The following FGF14 variants were observed in gnomAD, a reference collection of about 807,000 sequenced individuals.
The protein encoded by FGF14 is fibroblast growth factor 14.
In FGF14, 5 loss-of-function variants were observed where a neutral mutation model predicts 25.5. That is an observed-to-expected ratio of 0.20 (90% CI 0.10 to 0.41). The LOEUF (loss-of-function observed/expected upper bound fraction) is 0.41, where lower values mean the gene tolerates loss of function less well. Ranked by LOEUF, FGF14 falls within the 10% of genes least tolerant of loss-of-function variation. The probability of loss-of-function intolerance (pLI) is 1.00; values close to 1 mark genes in which losing one functional copy is unlikely to be tolerated. For synonymous variants in FGF14, 138 were observed against 118.3 expected (o/e 1.17, Z -1.08); for missense variants, 222 against 320.1 (o/e 0.69, Z 2.34).
At chr13:102,336,479 GA>G (rs1007744814) in intron 1 of FGF14, among the ~76,000 whole-genome samples, 9 of 151,762 alleles carry the variant, frequency 5.9e-5, no homozygotes, top group South Asian at 2.1e-4. Flanking sequence ...AAGGTTTAGG[GA>G]AAAAAAAGCC....
intron 1 of FGF14, among the ~76,000 whole-genome samples, chr13:102,112,639 T>C (rs2045288582): frequency 6.6e-6 from 1 of 152,190 alleles, no homozygotes; most frequent in Admixed American, 6.5e-5. Flanking sequence ...TCTTGGGGCA[T>C]GATATGATTA....
chr13:101,765,341 C>T (rs947133538), intron 3 of FGF14, among the ~76,000 whole-genome samples: 11 of 152,086 alleles, frequency 7.2e-5, no homozygotes, highest in African/African-American at 2.7e-4. Flanking sequence ...CAATGCAGAC[C>T]CTTGCTTGGC....
intron 1 of FGF14, among the ~76,000 whole-genome samples, chr13:101,988,889 T>G (rs1375807225): frequency 6.6e-6 from 1 of 151,984 alleles, no homozygotes; most frequent in African/African-American, 2.4e-5. Context: ...TTTGTTGTTG[T>G]GGGGTTTCTT....
chr13:102,071,823 G>A (rs1410654025), intron 1 of FGF14, among the ~76,000 whole-genome samples: 4 of 152,080 alleles, frequency 2.6e-5, no homozygotes, highest in Admixed American at 6.6e-5. Context: ...CTGGGCAATC[G>A]GAATAGGAGG....
intron 1 of FGF14, among the ~76,000 whole-genome samples, chr13:101,940,804 T>C (rs2035400271): frequency 6.6e-6 from 1 of 152,210 alleles, no homozygotes. Flanking sequence ...TTTTGTTCAT[T>C]GCTCTATTCC....
At chr13:102,288,592 T>A (rs1421175786) in intron 1 of FGF14, among the ~76,000 whole-genome samples, 1 of 152,032 alleles carries the variant, frequency 6.6e-6, no homozygotes, top group Non-Finnish European at 1.5e-5. Flanking sequence ...AATTTTTTTA[T>A]TTTTATTTTT....
chr13:101,894,127 A>G (rs980510867), intron 1 of FGF14, among the ~76,000 whole-genome samples: 6 of 151,942 alleles, frequency 3.9e-5, no homozygotes, highest in African/African-American at 2.4e-5. Context: ...AGCCCTTTAG[A>G]GTTTTAAAGG....
chr13:102,189,232 T>C (rs2049029466), intron 1 of FGF14, among the ~76,000 whole-genome samples: 2 of 152,088 alleles, frequency 1.3e-5, no homozygotes, highest in South Asian at 2.1e-4. Flanking sequence ...GTTTGAAAAG[T>C]TGGTTTTAGT....
rs150695304 is a variant in FGF14, at chr13:102,171,177, G to A, written c.208+230294C>T. On this transcript the variant is annotated intron_variant, in intron 1 of 4. Coordinates refer to the FGF14 transcript ENST00000376131. ...AAAAATACTTGCACAAAGATTTAAC[G>A]TATTGATCGATCCCGCATTTTTAGA... Among the ~76,000 whole-genome samples the A allele has an allele frequency of 2.8e-3, 427 of 152,208 alleles. 12 individuals carry two copies. The highest frequency in any genetic ancestry group is 0.022 in the Admixed American group (331 of 15,278).
chr13:102,135,835 G>C (rs1429061419), intron 1 of FGF14, among the ~76,000 whole-genome samples: 1 of 151,690 alleles, frequency 6.6e-6, no homozygotes, highest in Non-Finnish European at 1.5e-5. Flanking sequence ...TTTGTATTTT[G>C]AGTAGAGATA....
intron 1 of FGF14, among the ~76,000 whole-genome samples, chr13:102,049,721 A>T (rs1032443772): frequency 6.6e-6 from 1 of 152,102 alleles, no homozygotes; most frequent in East Asian, 1.9e-4. Context: ...CATCCTTATA[A>T]AAAGGGGAAA....
Position 101,720,538 on chromosome 13 carries a change from G to GTA in FGF14, c.*2292_*2293insTA, listed in dbSNP as rs2034900684. ...AGATGGGGGTGTTTGCTCTGTGTGT[G>GTA]TGTGTGTGTGTGTGTGTGTGTGTGT... is the stretch of plus-strand genomic sequence containing the variant. On this transcript the variant is annotated 3_prime_UTR_variant, in exon 5 of 5. Coordinates refer to ENST00000376143, the MANE Select transcript of FGF14 (RefSeq NM_004115.4). 1 of 143,560 alleles carries GTA rather than the reference G, an allele frequency of 7.0e-6. No homozygotes were observed. The highest frequency in any genetic ancestry group is 2.8e-5 in the African/African-American group (1 of 35,430). 8.9% of individuals were successfully genotyped at this position (143,560 alleles called of 1,614,324 possible).
intron 3 of FGF14, among the ~76,000 whole-genome samples, chr13:101,821,414 A>G (rs1250106881): frequency 6.6e-6 from 1 of 152,108 alleles, no homozygotes; most frequent in Non-Finnish European, 1.5e-5. Flanking sequence ...TGTTATGAAT[A>G]TGTTGTAATT....
intron 1 of FGF14, among the ~76,000 whole-genome samples, chr13:101,973,122 T>A (rs200452965): frequency 0.01 from 1,351 of 129,966 alleles, 16 homozygotes; most frequent in African/African-American, 0.031. Flanking sequence ...TGTGCTTCTT[T>A]TTTTTTTTTT....
intron 1 of FGF14, among the ~76,000 whole-genome samples, chr13:102,115,953 A>G (rs1187219220): frequency 6.6e-6 from 1 of 152,070 alleles, no homozygotes; most frequent in Non-Finnish European, 1.5e-5. Context: ...TCTACTAAAA[A>G]TACAAAATTA....
At chr13:102,397,438 A>G (rs186916874) in intron 1 of FGF14, among the ~76,000 whole-genome samples, 1 of 152,272 alleles carries the variant, frequency 6.6e-6, no homozygotes, top group Admixed American at 6.5e-5. Context: ...GAATTGATGG[A>G]ATGTTCTCAG....
intron 1 of FGF14, among the ~76,000 whole-genome samples, chr13:102,030,419 C>A (rs1433095729): frequency 6.6e-6 from 1 of 151,904 alleles, no homozygotes; most frequent in African/African-American, 2.4e-5. Flanking sequence ...ATAGCTGCAA[C>A]CAACCAGCCA....
chr13:101,867,919 C>T (rs1417725483), intron 3 of FGF14, among the ~76,000 whole-genome samples: 1 of 150,438 alleles, frequency 6.6e-6, no homozygotes, highest in Non-Finnish European at 1.5e-5. Flanking sequence ...CACACACACA[C>T]ACACACACAC....
rs190217866 is a variant in FGF14, at chr13:101,958,624, A to G, written c.209-83328T>C. Among the ~76,000 whole-genome samples the G allele has an allele frequency of 2.2e-4, 34 of 152,352 alleles. 1 individual carries two copies. The highest frequency in any genetic ancestry group is 2.0e-3 in the Admixed American group (31 of 15,306). ...CACAAGTCTTCGACTCTGACTACATATAGAATACTACTATAAGTCTTGACA... is the reference window on the plus strand; with the variant it reads ...CACAAGTCTTCGACTCTGACTACATGTAGAATACTACTATAAGTCTTGACA... On this transcript the variant is annotated intron_variant, in intron 1 of 4. Transcript: ENST00000376131.
Sources: gnomAD v4.1 joint callset for allele counts (sites outside exome capture counted in the v4.1 genomes callset) on GRCh38, gnomAD v4.1.1 for gene constraint, MANE v1.5 for transcripts, NCBI Gene and HGNC (gene_info 2026-07-23, HGNC 2026-07-21) for gene names.